C8orf88: variants seen among roughly 807,000 people sequenced by gnomAD.
C8orf88 encodes uncharacterized protein C8orf88.
C8orf88 carries 14 observed loss-of-function variants against 18.4 expected under a neutral mutation model. The observed-to-expected ratio is 0.76, with a 90% CI of 0.50 to 1.19. The LOEUF (loss-of-function observed/expected upper bound fraction) is 1.19, where lower values mean the gene tolerates loss of function less well. Ranked by LOEUF, C8orf88 falls within the 50% of genes most tolerant of loss-of-function variation. C8orf88 has a pLI of 0.00. For missense variants in C8orf88, 116 were observed against 134.7 expected (o/e 0.86, Z 0.69); for synonymous variants, 45 against 42.9 (o/e 1.05, Z -0.19).
intron 2 of C8orf88, 70 bp downstream of exon 2, chr8:90,980,292 AT>A: frequency 1.1e-6 from 1 of 907,158 alleles, no homozygotes; most frequent in South Asian, 2.4e-5. Context: ...TTTATATATT[AT>A]TTAGCTTTTC....
chr8:90,969,828 G>T (rs1586162402), intron 4 of C8orf88, among the ~76,000 whole-genome samples: 2 of 151,616 alleles, frequency 1.3e-5, no homozygotes, highest in East Asian at 3.9e-4. Flanking sequence ...GAAACCAAAG[G>T]ATTATAAAGG....
chr8:90,963,997 C>A (rs1811161830), intron 4 of C8orf88, among the ~76,000 whole-genome samples: 1 of 151,476 alleles, frequency 6.6e-6, no homozygotes, highest in African/African-American at 2.4e-5. Context: ...GCAGACAACC[C>A]CCAACTTATG....
chr8:90,969,854 T>A (rs372178213), intron 4 of C8orf88, among the ~76,000 whole-genome samples: 1 of 151,408 alleles, frequency 6.6e-6, no homozygotes, highest in Admixed American at 6.6e-5. Flanking sequence ...CCCAAGATAA[T>A]AACAAAAGTC....
chr8:90,983,695 AATT>A (rs1027013721), intron 1 of C8orf88, among the ~76,000 whole-genome samples: 5 of 152,124 alleles, frequency 3.3e-5, no homozygotes, highest in Non-Finnish European at 7.4e-5. Flanking sequence ...GGTGGAAGAA[AATT>A]ATTATTAGTC....
At chr8:90,967,368 C>G (rs1205033758) in intron 4 of C8orf88, among the ~76,000 whole-genome samples, 1 of 151,746 alleles carries the variant, frequency 6.6e-6, no homozygotes, top group Admixed American at 6.6e-5. Flanking sequence ...ATATTGGCTA[C>G]AGTTTTCTTT....
chr8:90,964,374 A>G (rs1248641317), intron 4 of C8orf88, among the ~76,000 whole-genome samples: 1 of 151,730 alleles, frequency 6.6e-6, no homozygotes, highest in Admixed American at 6.6e-5. Flanking sequence ...ACATATTTAA[A>G]GTGCTGAAAT....
At chr8:90,977,102 C>G (rs947942709) in intron 3 of C8orf88, among the ~76,000 whole-genome samples, 2 of 151,788 alleles carry the variant, frequency 1.3e-5, no homozygotes, top group Non-Finnish European at 1.5e-5. Flanking sequence ...AGAATAAAAT[C>G]CTGGAAAAAT....
chr8:90,980,536 C>CATATATGTATACAAATAACTAATA, intron 1 of C8orf88, 75 bp from the exon 2 acceptor site: 1 of 574,340 alleles, frequency 1.7e-6, no homozygotes, highest in Non-Finnish European at 2.9e-6. Context: ...CAAATAACTA[C>CATATATGTATACAAATAACTAATA]ATCTTTTTTT....
At chr8:90,972,002 T>C (rs1811290543) in intron 3 of C8orf88, among the ~76,000 whole-genome samples, 1 of 152,062 alleles carries the variant, frequency 6.6e-6, no homozygotes, top group Non-Finnish European at 1.5e-5. Flanking sequence ...TGAGAGATTA[T>C]CTCCTCTTGT....
chr8:90,967,417 T>G (rs1041618233), intron 4 of C8orf88, among the ~76,000 whole-genome samples: 1 of 151,902 alleles, frequency 6.6e-6, no homozygotes, highest in Non-Finnish European at 1.5e-5. Context: ...AGAATAATAC[T>G]GGCCTCACTG....
At chr8:90,966,409 T>C (rs1586160921) in intron 4 of C8orf88, among the ~76,000 whole-genome samples, 3 of 147,340 alleles carry the variant, frequency 2.0e-5, no homozygotes, top group Non-Finnish European at 3.0e-5. Context: ...TGCTAGATGA[T>C]GAGTTAGTGG....
At chr8:90,960,914 C>T in intron 4 of C8orf88, 66 bp from the exon 5 acceptor site, 1 of 863,024 alleles carries the variant, frequency 1.2e-6, no homozygotes, top group Non-Finnish European at 1.8e-6. Flanking sequence ...CTTTTTGGTT[C>T]ATTTCTTTCT....
intron 2 of C8orf88, 92 bp from the exon 3 acceptor site, chr8:90,978,744 G>T: frequency 1.5e-6 from 1 of 672,104 alleles, no homozygotes; most frequent in South Asian, 2.5e-5. Context: ...AGATATTCTT[G>T]GCACTGTTTT....
intron 2 of C8orf88, among the ~76,000 whole-genome samples, chr8:90,979,879 G>C (rs1405468036): frequency 6.6e-6 from 1 of 152,164 alleles, no homozygotes; most frequent in Non-Finnish European, 1.5e-5. Context: ...AATTAGACCT[G>C]TTCTAGTTCA....
intron 1 of C8orf88, among the ~76,000 whole-genome samples, chr8:90,984,039 G>GCACATGGTATACTGCCTTTC (rs1811471241): frequency 6.6e-6 from 1 of 151,962 alleles, no homozygotes; most frequent in African/African-American, 2.4e-5. Flanking sequence ...CTTTCCTCAC[G>GCACATGGTATACTGCCTTTC]CTACAGACAT....
chr8:90,985,040 G>C (rs895457960), intron 1 of C8orf88, 74 bp downstream of exon 1: 3 of 152,042 alleles, frequency 2.0e-5, no homozygotes, highest in Admixed American at 2.0e-4. Context: ...GGGAGACGGC[G>C]CCCACCCGCC....
intron 4 of C8orf88, among the ~76,000 whole-genome samples, chr8:90,969,163 C>T (rs376328276): frequency 1.6e-4 from 25 of 151,834 alleles, no homozygotes; most frequent in South Asian, 2.1e-4. Context: ...AAAACTTGTA[C>T]GCAAATGTCC....
At chr8:90,978,468 C>A (rs886442208) in intron 3 of C8orf88, 111 bp downstream of exon 3, 7 of 486,474 alleles carry the variant, frequency 1.4e-5, no homozygotes, top group African/African-American at 1.0e-4. Context: ...AACATATGTA[C>A]ATAAATTTTT....
intron 1 of C8orf88, among the ~76,000 whole-genome samples, chr8:90,984,877 CT>C (rs1001795452): frequency 6.6e-6 from 1 of 152,202 alleles, no homozygotes; most frequent in African/African-American, 2.4e-5. Context: ...TCGGGCTCCC[CT>C]GGCCCCCTAC....
Sources: allele counts gnomAD v4.1 joint callset (sites outside exome capture counted in the v4.1 genomes callset), GRCh38; gene constraint gnomAD v4.1.1; transcripts MANE v1.5; gene names NCBI Gene and HGNC (gene_info 2026-07-23, HGNC 2026-07-21).